FNBP1: variants seen among roughly 807,000 people sequenced by gnomAD.
FNBP1 encodes formin binding protein 1.
Under a neutral mutation model 90.6 loss-of-function variants are expected in FNBP1, and 26 were observed. The ratio of observed to expected loss-of-function variants is 0.29; its 90% CI spans 0.21 to 0.40. FNBP1 has a LOEUF of 0.40. Ranked by LOEUF, FNBP1 falls within the 10% of genes least tolerant of loss-of-function variation. FNBP1 has a pLI of 1.00. For missense variants in FNBP1, 635 were observed against 768.0 expected (o/e 0.83, Z 2.05); for synonymous variants, 260 against 265.2 (o/e 0.98, Z 0.19).
intron 1 of FNBP1, among the ~76,000 whole-genome samples, chr9:130,020,318 T>G (rs925044043): frequency 6.6e-6 from 1 of 152,010 alleles, no homozygotes; most frequent in East Asian, 1.9e-4. Context: ...AAGTGATTCT[T>G]GTTGCCTCAG....
intron 1 of FNBP1, among the ~76,000 whole-genome samples, chr9:130,008,409 T>G (rs1198841262): frequency 6.6e-6 from 1 of 152,166 alleles, no homozygotes; most frequent in Non-Finnish European, 1.5e-5. Context: ...CTCCTCCAGA[T>G]AGGTATGGTA....
rs185715209 is a variant in FNBP1 at position 129,990,837 on chromosome 9, A to C, written c.140+4006T>G. Among the ~76,000 whole-genome samples, 7 of 152,250 alleles carry C rather than the reference A, an allele frequency of 4.6e-5. 1 individual carries two copies. In the East Asian group the frequency reaches 1.2e-3, roughly 25 times the overall value. ...TGATAACAAGTGTCAGATCCTGGAT[A>C]AATCTGTAGAGAAGTCAAGATTTCC... On this transcript the variant is annotated intron_variant, in intron 2 of 16. Coordinates refer to ENST00000446176, the MANE Select transcript of FNBP1 (RefSeq NM_015033.3).
At position 130,015,761 on chromosome 9, in the gene FNBP1, A is replaced by C. The variant is rs377512019; in HGVS notation, c.25-20803T>G. Among the ~76,000 whole-genome samples the C allele has an allele frequency of 2.5e-4, 38 of 152,184 alleles. No individual in the cohort carries two copies. In the East Asian group the frequency reaches 6.6e-3, roughly 26 times the overall value. On this transcript the variant is annotated intron_variant, in intron 1 of 16. Transcript: ENST00000446176. ...ACAATTTCGGCTCGCTGTAACCTCAACCTCCTGGGCTCAGGTGATCCTCCC... is the reference window on the plus strand; with the variant it reads ...ACAATTTCGGCTCGCTGTAACCTCACCCTCCTGGGCTCAGGTGATCCTCCC...
chr9:130,053,463 C>T, the FNBP1 span: 3 of 171,630 alleles, frequency 1.7e-5, no homozygotes, highest in Admixed American at 1.8e-4. Flanking sequence ...GAGTGTGAAG[C>T]GCCTAGAAAA....
chr9:129,944,539 C>CAA (rs34283195), intron 6 of FNBP1, among the ~76,000 whole-genome samples: 1 of 114,500 alleles, frequency 8.7e-6, no homozygotes, highest in Admixed American at 8.8e-5. Flanking sequence ...GACTGCGTCT[C>CAA]AAAAAAAAAA....
intron 2 of FNBP1, among the ~76,000 whole-genome samples, chr9:129,982,623 T>C (rs960807893): frequency 2.0e-5 from 3 of 152,182 alleles, no homozygotes; most frequent in Non-Finnish European, 2.9e-5. Flanking sequence ...ATGTGAGATA[T>C]TTCTAGTGCG....
At chr9:129,910,505 AG>A (rs1259667037) in intron 11 of FNBP1, among the ~76,000 whole-genome samples, 7 of 23,950 alleles carry the variant, frequency 2.9e-4, no homozygotes, top group South Asian at 1.2e-3. Context: ...AAAAAAAAAA[AG>A]AGAGAGAGAA....
chr9:130,014,245 T>C (rs966802580), intron 1 of FNBP1, among the ~76,000 whole-genome samples: 19 of 151,414 alleles, frequency 1.3e-4, no homozygotes, highest in East Asian at 7.7e-4. Flanking sequence ...ATTTCTTTCT[T>C]TCTTTTTTTT....
chr9:130,053,642 A>G, the FNBP1 span: 47 of 468,930 alleles, frequency 1.0e-4, no homozygotes, highest in African/African-American at 8.1e-4. Context: ...AAGCTCAGCG[A>G]GGCGGAGGTG....
intron 2 of FNBP1, among the ~76,000 whole-genome samples, chr9:129,989,189 G>A (rs1030314452): frequency 1.3e-5 from 2 of 152,126 alleles, no homozygotes; most frequent in Non-Finnish European, 2.9e-5. Context: ...ACATCACTGC[G>A]TTTACATATT....
In FNBP1 at chr9:129,966,856, G is replaced by T. The variant is rs1360673390; in HGVS notation, c.346-8303C>A. Reference sequence around the variant, plus strand: ...CTGTTACACTTGCACTCTCTCTAAGGGAGAGCTGGTGGTGGCTCTGACATG... The same window carrying T: ...CTGTTACACTTGCACTCTCTCTAAGTGAGAGCTGGTGGTGGCTCTGACATG... On this transcript the variant is annotated intron_variant, in intron 4 of 16. Coordinates refer to ENST00000446176, the MANE Select transcript of FNBP1 (RefSeq NM_015033.3). This position sits in a 1 kb window ranked among gnomAD's most constrained non-coding sequence, Gnocchi z 4.3. 6.6e-6 allele frequency among the ~76,000 whole-genome samples: 1 copy of T among 152,214 alleles called. No individual in the cohort carries two copies.
intron 5 of FNBP1, among the ~76,000 whole-genome samples, chr9:129,958,288 C>T (rs1219935454): frequency 1.3e-5 from 2 of 152,002 alleles, no homozygotes; most frequent in South Asian, 2.1e-4. Context: ...AAAAATTAGC[C>T]GGGCATGGTG....
chr9:129,952,582 A>G (rs763176702), intron 6 of FNBP1, among the ~76,000 whole-genome samples: 1 of 152,220 alleles, frequency 6.6e-6, no homozygotes, highest in Non-Finnish European at 1.5e-5. Flanking sequence ...AGAAAAGTAT[A>G]AAGTCAAAGT....
At chr9:129,968,423 A>G (rs982205111) in intron 4 of FNBP1, among the ~76,000 whole-genome samples, 1 of 151,880 alleles carries the variant, frequency 6.6e-6, no homozygotes, top group African/African-American at 2.4e-5. Flanking sequence ...AAAAATCAGA[A>G]ATGGACTTGT....
At chr9:129,930,085 A>C (rs1429325674) in intron 6 of FNBP1, among the ~76,000 whole-genome samples, 3 of 147,466 alleles carry the variant, frequency 2.0e-5, no homozygotes, top group Admixed American at 1.4e-4. Context: ...TTTTGAGACC[A>C]GGTCTCGCTC....
intron 1 of FNBP1, among the ~76,000 whole-genome samples, chr9:130,017,162 G>C (rs1333579084): frequency 6.6e-6 from 1 of 151,990 alleles, no homozygotes; most frequent in Non-Finnish European, 1.5e-5. Context: ...CATACCATAA[G>C]GAGTTCTTCA....
At chr9:129,903,640 C>T (rs1041572784) in intron 12 of FNBP1, among the ~76,000 whole-genome samples, 1 of 152,032 alleles carries the variant, frequency 6.6e-6, no homozygotes, top group Non-Finnish European at 1.5e-5. Flanking sequence ...AAAGCCAATA[C>T]TTTAAAAATT....
intron 11 of FNBP1, among the ~76,000 whole-genome samples, chr9:129,915,494 G>A (rs2040118426): frequency 6.6e-6 from 1 of 152,062 alleles, no homozygotes; most frequent in Non-Finnish European, 1.5e-5. Flanking sequence ...CTCCCAAGTA[G>A]CTGGGACTAC....
chr9:130,033,411 C>A (rs1356943798), intron 1 of FNBP1, among the ~76,000 whole-genome samples: 1 of 152,206 alleles, frequency 6.6e-6, no homozygotes, highest in African/African-American at 2.4e-5. Flanking sequence ...ATTTCAGGAA[C>A]CCGTTCTCAA....
Sources: gnomAD v4.1 joint callset for allele counts (sites outside exome capture counted in the v4.1 genomes callset) on GRCh38, gnomAD v4.1.1 for gene constraint, Gnocchi (gnomAD v3.1) non-coding constraint, MANE v1.5 for transcripts, NCBI Gene and HGNC (gene_info 2026-07-23, HGNC 2026-07-21) for gene names.